The following LRRTM4 variants were observed in gnomAD, a reference collection of about 807,000 sequenced individuals.
The protein encoded by LRRTM4 is leucine rich repeat transmembrane neuronal 4, also known as leucine-rich repeat transmembrane neuronal protein 4.
LRRTM4 carries 25 observed loss-of-function variants against 47.6 expected under a neutral mutation model. The ratio of observed to expected loss-of-function variants is 0.53; its 90% CI spans 0.38 to 0.73. The LOEUF (loss-of-function observed/expected upper bound fraction) is 0.73, where lower values mean the gene tolerates loss of function less well. LRRTM4 is among the 30% of genes least tolerant of loss of function. The pLI is 0.00. For synonymous variants in LRRTM4, 311 were observed against 269.5 expected (o/e 1.15, Z -1.51); for missense variants, 638 against 713.4 (o/e 0.89, Z 1.20).
intron 3 of LRRTM4, among the ~76,000 whole-genome samples, chr2:77,165,636 G>A (rs1349832534): frequency 6.6e-6 from 1 of 152,150 alleles, no homozygotes; most frequent in African/African-American, 2.4e-5. Context: ...TCATCCCTGG[G>A]ATGCAAGGCT....
intron 3 of LRRTM4, among the ~76,000 whole-genome samples, chr2:77,110,420 A>G (rs1458155934): frequency 6.6e-6 from 1 of 152,186 alleles, no homozygotes; most frequent in African/African-American, 2.4e-5. Flanking sequence ...TTATTTAGGG[A>G]GAATAAAATT....
chr2:76,921,402 G>C (rs1004200926), intron 3 of LRRTM4, among the ~76,000 whole-genome samples: 1 of 151,954 alleles, frequency 6.6e-6, no homozygotes. Flanking sequence ...TTGATCACCT[G>C]GTAGAGGTAA....
At chr2:76,881,737 A>G (rs1484587682) in intron 3 of LRRTM4, among the ~76,000 whole-genome samples, 1 of 152,062 alleles carries the variant, frequency 6.6e-6, no homozygotes, top group Non-Finnish European at 1.5e-5. Context: ...GTTATATAAC[A>G]GTTTTTTCCC....
chr2:76,811,872 T>C (rs550988234), intron 3 of LRRTM4, among the ~76,000 whole-genome samples: 1 of 151,940 alleles, frequency 6.6e-6, no homozygotes, highest in East Asian at 1.9e-4. Context: ...GGATGAAGGA[T>C]AGGAAAACAT....
rs183479224 is a variant in LRRTM4, at chr2:76,762,633, T to C, written c.1552-13717A>G. ...ACATGAAAAGGCTCCATGATTGTTT[T>C]AACTCATCATGCAGCAAAACTCATT... is the stretch of plus-strand genomic sequence containing the variant. On this transcript the variant is annotated intron_variant, in intron 3 of 3. Transcript: ENST00000409884. 2.5e-3 allele frequency among the ~76,000 whole-genome samples: 381 copies of C among 152,334 alleles called. 2 individuals are homozygous for C. Among genetic ancestry groups the C allele is most frequent in the African/African-American group, 8.2e-3 (340 of 41,574 alleles).
intron 3 of LRRTM4, among the ~76,000 whole-genome samples, chr2:77,224,390 C>A (rs1379959599): frequency 2.6e-5 from 4 of 152,146 alleles, no homozygotes; most frequent in African/African-American, 9.7e-5. Context: ...AGCTTCTGCA[C>A]AGCAAAAGAA....
chr2:77,461,120 G>A (rs1047736609), intron 3 of LRRTM4, among the ~76,000 whole-genome samples: 3 of 138,894 alleles, frequency 2.2e-5, no homozygotes, highest in African/African-American at 8.0e-5. Context: ...TTTTATATAC[G>A]TACATTTACA....
chr2:77,511,842 G>A (rs967348046), intron 3 of LRRTM4, among the ~76,000 whole-genome samples: 6 of 151,994 alleles, frequency 3.9e-5, no homozygotes, highest in African/African-American at 9.7e-5. Context: ...TTGACTTAAG[G>A]TCAAACTTTA....
chr2:77,125,045 A>C (rs563235396), intron 3 of LRRTM4, among the ~76,000 whole-genome samples: 1 of 152,310 alleles, frequency 6.6e-6, no homozygotes, highest in South Asian at 2.1e-4. Flanking sequence ...AAAAGTCATA[A>C]AAATAAATTA....
intron 3 of LRRTM4, among the ~76,000 whole-genome samples, chr2:77,369,983 A>G (rs1672602592): frequency 6.6e-6 from 1 of 151,786 alleles, no homozygotes; most frequent in African/African-American, 2.4e-5. Context: ...CTCTCTAAAT[A>G]TCTTAATCTT....
At chr2:76,982,165 T>C (rs1196577708) in intron 3 of LRRTM4, among the ~76,000 whole-genome samples, 2 of 152,072 alleles carry the variant, frequency 1.3e-5, no homozygotes, top group African/African-American at 4.8e-5. Context: ...TCTCTAGTCA[T>C]TTCACCTGAA....
chr2:77,089,007 A>T (rs1680828729), intron 3 of LRRTM4, among the ~76,000 whole-genome samples: 2 of 152,000 alleles, frequency 1.3e-5, no homozygotes, highest in Admixed American at 6.5e-5. Flanking sequence ...CCGGTCACGG[A>T]CTGGGAAGGC....
At chr2:76,918,593 G>A (rs1007642566) in intron 3 of LRRTM4, among the ~76,000 whole-genome samples, 2 of 152,120 alleles carry the variant, frequency 1.3e-5, no homozygotes, top group African/African-American at 2.4e-5. Context: ...ATAAATGAGA[G>A]GGGGAAAATT....
chr2:76,962,885 G>A (rs548282146), intron 3 of LRRTM4, among the ~76,000 whole-genome samples: 21 of 150,386 alleles, frequency 1.4e-4, no homozygotes, highest in African/African-American at 4.1e-4. Context: ...AAATGCCACC[G>A]TGACTCAGAA....
chr2:77,015,548 ACTC>A (rs1243669618), intron 3 of LRRTM4, among the ~76,000 whole-genome samples: 2 of 151,434 alleles, frequency 1.3e-5, no homozygotes, highest in African/African-American at 4.9e-5. Context: ...CTGGTCTCGA[ACTC>A]CTGACCTTGT....
chr2:77,332,190 A>C (rs2104253311), intron 3 of LRRTM4, among the ~76,000 whole-genome samples: 1 of 152,074 alleles, frequency 6.6e-6, no homozygotes, highest in African/African-American at 2.4e-5. Context: ...TAAAAGACAA[A>C]ACAACTTTTT....
At position 77,519,595 on chromosome 2, in the gene LRRTM4, G is replaced by T; in HGVS notation, c.274C>A (p.Leu92Ile). 6 of 1,613,486 alleles carry T rather than the reference G, an allele frequency of 3.7e-6. No individual in the cohort carries two copies. The highest frequency in any genetic ancestry group is 5.1e-6 in the Non-Finnish European group (6 of 1,179,652). The stretch of plus-strand genomic sequence containing the variant: ...ACTGAGCTAATGTAATTATGGTCAA[G>T]ATAAAGCCATATAAGCTGGTTAAGG... Reference protein sequence around the residue: ...AGLNQLIWLYLDHNYISSVDE... With the variant: ...AGLNQLIWLYIDHNYISSVDE... Residue 92 changes from leucine (L) to isoleucine (I), a missense_variant, in exon 3 of 4, where the codon CTT becomes ATT. Leu to Ile is a conservative substitution (Grantham distance 5). Transcript: ENST00000409884. The surrounding 1 kb of genome is among the most constrained non-coding windows in gnomAD (Gnocchi z 4.6).
intron 3 of LRRTM4, among the ~76,000 whole-genome samples, chr2:76,915,813 A>G (rs763977431): frequency 1.3e-5 from 2 of 152,214 alleles, no homozygotes; most frequent in Non-Finnish European, 2.9e-5. Context: ...GAAGAAAATT[A>G]TAAAATACCT....
intron 3 of LRRTM4, among the ~76,000 whole-genome samples, chr2:76,769,595 G>A (rs1300315308): frequency 6.6e-6 from 1 of 152,040 alleles, no homozygotes; most frequent in African/African-American, 2.4e-5. Context: ...TGTGTCCAAT[G>A]TTCTTTATCA....
Sources: gnomAD v4.1 joint callset for allele counts (sites outside exome capture counted in the v4.1 genomes callset) on GRCh38, gnomAD v4.1.1 for gene constraint, Gnocchi (gnomAD v3.1) non-coding constraint, MANE v1.5 for transcripts, NCBI Gene and HGNC (gene_info 2026-07-23, HGNC 2026-07-21) for gene names.